The following SMPD3 variants were observed in gnomAD, a reference collection of about 807,000 sequenced individuals.
The protein encoded by SMPD3 is sphingomyelin phosphodiesterase 3.
Under a neutral mutation model 55.7 loss-of-function variants are expected in SMPD3, and 21 were observed. The observed-to-expected ratio is 0.38, with a 90% CI of 0.27 to 0.54. The LOEUF (loss-of-function observed/expected upper bound fraction) is 0.54. SMPD3 is among the 20% of genes least tolerant of loss of function. The probability of loss-of-function intolerance (pLI) is 0.80; values close to 1 mark genes in which losing one functional copy is unlikely to be tolerated. For synonymous variants in SMPD3, 457 were observed against 404.3 expected (o/e 1.13, Z -1.56); for missense variants, 842 against 899.6 (o/e 0.94, Z 0.82).
chr16:68,403,788 G>A (rs943331498), intron 1 of SMPD3, among the ~76,000 whole-genome samples: 5 of 152,182 alleles, frequency 3.3e-5, no homozygotes, highest in African/African-American at 1.2e-4. Context: ...GGCCTCATGC[G>A]TTGAAGAATA....
At chr16:68,435,395 G>A (rs1834101) in intron 1 of SMPD3, among the ~76,000 whole-genome samples, 1 of 152,078 alleles carries the variant, frequency 6.6e-6, no homozygotes, top group African/African-American at 2.4e-5. Flanking sequence ...TCTTAACCAG[G>A]TATTGCTCTA....
intron 1 of SMPD3, among the ~76,000 whole-genome samples, chr16:68,389,045 A>C (rs2090087249): frequency 1.3e-5 from 2 of 152,158 alleles, no homozygotes. Context: ...CATCATTCAA[A>C]ACGCACCGGT....
chr16:68,440,818 C>G (rs890737372), intron 1 of SMPD3, among the ~76,000 whole-genome samples: 1 of 152,218 alleles, frequency 6.6e-6, no homozygotes, highest in Non-Finnish European at 1.5e-5. Context: ...CCTGAGGAAT[C>G]TGGGAGTCCA....
chr16:68,363,626 C>T (rs1022575569), intron 6 of SMPD3, 67 bp from the exon 7 acceptor site: 53 of 1,522,316 alleles, frequency 3.5e-5, no homozygotes, highest in African/African-American at 3.0e-4. Context: ...AGGGGGTGGC[C>T]TCTGTGGGTG....
chr16:68,393,989 A>T (rs554011878), intron 1 of SMPD3, among the ~76,000 whole-genome samples: 3 of 152,208 alleles, frequency 2.0e-5, no homozygotes, highest in Non-Finnish European at 2.9e-5. Flanking sequence ...ATTCTTACCA[A>T]TTTCAGAAGA....
intron 1 of SMPD3, among the ~76,000 whole-genome samples, chr16:68,436,862 G>A (rs939749862): frequency 1.3e-5 from 2 of 152,084 alleles, no homozygotes; most frequent in Non-Finnish European, 2.9e-5. Flanking sequence ...CATCCTCACC[G>A]ACTGTATACG....
chr16:68,426,991 C>CTTTTTTT (rs56214206), intron 1 of SMPD3, among the ~76,000 whole-genome samples: 2 of 112,124 alleles, frequency 1.8e-5, no homozygotes, highest in African/African-American at 3.6e-5. Flanking sequence ...TCAGGTCTAT[C>CTTTTTTT]TTTTTTTTTT....
chr16:68,389,160 C>T (rs1476288333), intron 1 of SMPD3, among the ~76,000 whole-genome samples: 1 of 152,228 alleles, frequency 6.6e-6, no homozygotes, highest in Non-Finnish European at 1.5e-5. Flanking sequence ...AGTCAGGCCT[C>T]TGGCTTAAAT....
intron 1 of SMPD3, among the ~76,000 whole-genome samples, chr16:68,438,691 T>A (rs2090544008): frequency 6.6e-6 from 1 of 152,202 alleles, no homozygotes; most frequent in Non-Finnish European, 1.5e-5. Context: ...TTCCCTTGCC[T>A]TCCTTCCCCA....
intron 2 of SMPD3, among the ~76,000 whole-genome samples, chr16:68,379,945 C>T (rs910717552): frequency 3.3e-5 from 5 of 152,226 alleles, no homozygotes; most frequent in East Asian, 1.9e-4. Flanking sequence ...CAAGAGCCAA[C>T]GTGATGTTTC....
At chr16:68,378,186 G>A (rs1338588842) in intron 2 of SMPD3, among the ~76,000 whole-genome samples, 1 of 152,216 alleles carries the variant, frequency 6.6e-6, no homozygotes, top group Non-Finnish European at 1.5e-5. Context: ...AAAGCCACGT[G>A]GATTGCTCCA....
chr16:68,379,968 C>G (rs191845919), intron 2 of SMPD3, among the ~76,000 whole-genome samples: 161 of 152,356 alleles, frequency 1.1e-3, no homozygotes, highest in Non-Finnish European at 1.9e-3. Context: ...ACAGCAGGAC[C>G]CCTGGGTCCA....
At chr16:68,364,136 A>G (rs985790528) in intron 5 of SMPD3, among the ~76,000 whole-genome samples, 4 of 152,220 alleles carry the variant, frequency 2.6e-5, no homozygotes, top group African/African-American at 9.7e-5. Flanking sequence ...GTCCTCGGAC[A>G]GAGGAAGGAA....
At chr16:68,378,124 C>T (rs1020279378) in intron 2 of SMPD3, among the ~76,000 whole-genome samples, 1 of 152,184 alleles carries the variant, frequency 6.6e-6, no homozygotes, top group Non-Finnish European at 1.5e-5. Context: ...CTGCCGTGTC[C>T]ACAAGCTCAT....
chr16:68,364,169 T>C (rs549030831), intron 5 of SMPD3, among the ~76,000 whole-genome samples: 2,693 of 152,318 alleles, frequency 0.018, 107 homozygotes, highest in African/African-American at 0.061. Flanking sequence ...GTCCATGTGG[T>C]CATCGGATCC....
rs1337080526 is a variant in SMPD3 at position 68,371,027 on chromosome 16, G to A, written c.1155C>T (p.Ile385=). The part of the protein sequence containing the change: ...KEQLHGYFEY[I]LYDVGVYGCQ... The stretch of plus-strand genomic sequence containing the variant: ...AGCCGTAGACCCCGACGTCGTACAG[G>A]ATGTACTCGAAGTAGCCGTGCAGCT... The change falls in exon 3 of 9, where the codon ATC becomes ATT. Residue 385 remains isoleucine (I), a synonymous_variant. Coordinates refer to ENST00000219334, the MANE Select transcript of SMPD3 (RefSeq NM_018667.4). 14 of 1,614,086 alleles carry A rather than the reference G, an allele frequency of 8.7e-6. No homozygotes were observed. Among genetic ancestry groups the A allele is most frequent in the Admixed American group, 1.7e-5 (1 of 60,006 alleles).
intron 2 of SMPD3, among the ~76,000 whole-genome samples, chr16:68,376,997 C>G (rs1413390758): frequency 6.6e-6 from 1 of 152,104 alleles, no homozygotes; most frequent in Non-Finnish European, 1.5e-5. Context: ...CTCCCGACCA[C>G]TCCTCCCCTG....
At chr16:68,407,729 T>C (rs117981480) in intron 1 of SMPD3, among the ~76,000 whole-genome samples, 2 of 152,348 alleles carry the variant, frequency 1.3e-5, no homozygotes, top group Non-Finnish European at 2.9e-5. Flanking sequence ...ATTTTTAACC[T>C]GTGATCTTAA....
chr16:68,444,770 G>T (rs2090597567), intron 1 of SMPD3, among the ~76,000 whole-genome samples: 1 of 152,232 alleles, frequency 6.6e-6, no homozygotes, highest in Non-Finnish European at 1.5e-5. Flanking sequence ...TAAGCAGGTG[G>T]TTCAATTTAT....
Sources: gnomAD v4.1 joint callset for allele counts (sites outside exome capture counted in the v4.1 genomes callset) on GRCh38, gnomAD v4.1.1 for gene constraint, MANE v1.5 for transcripts, NCBI Gene and HGNC (gene_info 2026-07-23, HGNC 2026-07-21) for gene names.